Variants in CARMIL1 observed in about 807,000 individuals in gnomAD.
The protein encoded by CARMIL1 is F-actin-uncapping protein LRRC16A.
CARMIL1 carries 90 observed loss-of-function variants against 177.1 expected under a neutral mutation model. The observed-to-expected ratio is 0.51, with a 90% CI of 0.43 to 0.61. CARMIL1 has a LOEUF of 0.61. Among genes scored for constraint, CARMIL1 ranks in the 20% least tolerant of loss-of-function variants. CARMIL1 has a pLI of 0.00. For synonymous variants in CARMIL1, 577 were observed against 606.2 expected (o/e 0.95, Z 0.71); for missense variants, 1,380 against 1,667.0 (o/e 0.83, Z 3.00).
In CARMIL1 at chr6:25,373,403, T is replaced by TC. The variant is rs1278920822; in HGVS notation, c.139-46711_139-46710insC. ...TATCTGGCCTTCGGCTTTTTTTTTT[T>TC]TTTTTTGGTCTGTTCAGGATTTCTA... On this transcript the variant is annotated intron_variant, in intron 2 of 36. Transcript: ENST00000329474. Among the ~76,000 whole-genome samples, 4 of 151,854 alleles carry TC rather than the reference T, an allele frequency of 2.6e-5. No homozygotes were observed. The East Asian group carries it at 7.7e-4, about 29-fold the overall frequency.
At chr6:25,527,395 G>T (rs768549728) in intron 23 of CARMIL1, among the ~76,000 whole-genome samples, 8 of 152,216 alleles carry the variant, frequency 5.3e-5, no homozygotes, top group Non-Finnish European at 7.3e-5. Flanking sequence ...TGGATGCACT[G>T]CCTGTGTGTG....
intron 2 of CARMIL1, among the ~76,000 whole-genome samples, chr6:25,359,347 C>G (rs1198228743): frequency 6.6e-6 from 1 of 152,238 alleles, no homozygotes. Context: ...CAGATGCATA[C>G]TTCTCTGACC....
intron 20 of CARMIL1, among the ~76,000 whole-genome samples, chr6:25,513,936 A>G (rs1562236166): frequency 6.6e-6 from 1 of 152,210 alleles, no homozygotes. Flanking sequence ...GGAAGTCTGA[A>G]TTCTGACATT....
intron 12 of CARMIL1, among the ~76,000 whole-genome samples, chr6:25,482,681 T>C (rs115335299): frequency 0.01 from 1,530 of 152,288 alleles, 15 homozygotes; most frequent in African/African-American, 0.027. Context: ...GTTCAACAAG[T>C]TGGCCTTTCT....
intron 8 of CARMIL1, among the ~76,000 whole-genome samples, chr6:25,459,006 T>C (rs1003629282): frequency 6.6e-6 from 1 of 152,110 alleles, no homozygotes; most frequent in African/African-American, 2.4e-5. Flanking sequence ...AAAAATAAAG[T>C]TAGAAAATCC....
intron 2 of CARMIL1, among the ~76,000 whole-genome samples, chr6:25,301,646 C>G (rs558452459): frequency 1.3e-5 from 2 of 152,282 alleles, no homozygotes; most frequent in Admixed American, 1.3e-4. Context: ...TCATGGCATG[C>G]TGCTTCGTTG....
At chr6:25,510,654 C>T (rs771113836) in intron 19 of CARMIL1, 48 bp downstream of exon 19, 2 of 1,492,990 alleles carry the variant, frequency 1.3e-6, no homozygotes, top group Non-Finnish European at 1.8e-6. Flanking sequence ...AATAACCAGC[C>T]TCCTGAAAGC....
intron 2 of CARMIL1, among the ~76,000 whole-genome samples, chr6:25,368,971 C>A (rs971135528): frequency 2.0e-5 from 3 of 152,126 alleles, no homozygotes; most frequent in African/African-American, 7.2e-5. Context: ...TCGTTTTTGC[C>A]ATTTTAGCAA....
intron 5 of CARMIL1, among the ~76,000 whole-genome samples, chr6:25,440,258 T>C (rs1045657600): frequency 1.3e-5 from 2 of 152,158 alleles, no homozygotes; most frequent in African/African-American, 4.8e-5. Flanking sequence ...AAGTGGGAGA[T>C]GAATGAGCAC....
rs1327225472 is a variant in CARMIL1 at position 25,316,847 on chromosome 6, A to G, written c.138+31938A>G. Among the ~76,000 whole-genome samples the G allele has an allele frequency of 5.3e-5, 8 of 152,302 alleles. No individual in the cohort carries two copies. The South Asian group carries it at 8.3e-4, about 16-fold the overall frequency. ...AGCCTGCAGATTAGCCAGAGGGCCA[A>G]TTGTTAAATCCTCATTATGCTGCCA... On this transcript the variant is annotated intron_variant, in intron 2 of 36. Coordinates refer to ENST00000329474, the MANE Select transcript of CARMIL1 (RefSeq NM_017640.6).
intron 29 of CARMIL1, among the ~76,000 whole-genome samples, chr6:25,575,077 C>A (rs181161704): frequency 1.3e-4 from 20 of 152,294 alleles, no homozygotes; most frequent in Non-Finnish European, 2.5e-4. Flanking sequence ...AAACTGGAAG[C>A]TGACTTTGCA....
rs181574858 is a variant in CARMIL1, at chr6:25,472,627, A to C, written c.874+106A>C. 7.6e-4 allele frequency: 663 copies of C among 872,234 alleles called. 4 individuals are homozygous for C. In the Middle Eastern group the frequency reaches 0.014, roughly 18 times the overall value. 54.0% of individuals were successfully genotyped at this position (872,234 alleles called of 1,614,324 possible). A position where few individuals can be genotyped will look rare whatever the true frequency, so the allele number is the denominator to read the frequency against. Reference sequence around the variant, plus strand: ...TGTATCAAGCTAAGTTGTAATTATAAGTGCTGTTAATGGTCCTGTTGGCTT... The same window carrying C: ...TGTATCAAGCTAAGTTGTAATTATACGTGCTGTTAATGGTCCTGTTGGCTT... On this transcript the variant is annotated intron_variant, in intron 11 of 36. Transcript: ENST00000329474.
chr6:25,531,610 A>T lies in CARMIL1; in HGVS notation c.2067+2717A>T, dbSNP rs139558615. On this transcript the variant is annotated intron_variant, in intron 24 of 36. Transcript: ENST00000329474. ...GAAGTAGCAGGACTTTTGAGAAAGAAAGCCATTATTTTGACCTTACCAGTC... is the reference window on the plus strand; with the variant it reads ...GAAGTAGCAGGACTTTTGAGAAAGATAGCCATTATTTTGACCTTACCAGTC... Among the ~76,000 whole-genome samples the T allele has an allele frequency of 3.3e-3, 510 of 152,330 alleles. 2 individuals are homozygous for T. Among genetic ancestry groups the T allele is most frequent in the African/African-American group, 0.011 (438 of 41,578 alleles).
intron 8 of CARMIL1, among the ~76,000 whole-genome samples, chr6:25,462,767 A>T (rs1800233286): frequency 6.6e-6 from 1 of 152,148 alleles, no homozygotes; most frequent in South Asian, 2.1e-4. Context: ...CATTTTCCCT[A>T]TTCAGCAAGT....
intron 2 of CARMIL1, among the ~76,000 whole-genome samples, chr6:25,309,439 TCA>T (rs908259659): frequency 3.3e-5 from 5 of 150,990 alleles, no homozygotes; most frequent in African/African-American, 1.2e-4. Context: ...ATTAGTATAT[TCA>T]CAGAGTTGTG....
chr6:25,323,471 T>C (rs1479965104), intron 2 of CARMIL1, among the ~76,000 whole-genome samples: 1 of 148,000 alleles, frequency 6.8e-6, no homozygotes, highest in Non-Finnish European at 1.5e-5. Flanking sequence ...TAGCCAGGTG[T>C]GGTGGCACAT....
intron 2 of CARMIL1, among the ~76,000 whole-genome samples, chr6:25,416,585 G>A (rs1163842660): frequency 6.6e-6 from 1 of 152,192 alleles, no homozygotes. Context: ...TTCCTTTGAA[G>A]GAAAGTTCAC....
intron 2 of CARMIL1, among the ~76,000 whole-genome samples, chr6:25,384,068 A>G (rs1342462119): frequency 6.6e-6 from 1 of 152,092 alleles, no homozygotes; most frequent in East Asian, 1.9e-4. Flanking sequence ...CGAACTCCTG[A>G]CCTCAAGCGC....
chr6:25,279,961 T>A lies in CARMIL1; in HGVS notation c.40+126T>A, dbSNP rs1414992600. The A allele has an allele frequency of 3.6e-6, 4 of 1,124,058 alleles. No individual in the cohort carries two copies. The East Asian group carries it at 9.4e-5, about 26-fold the overall frequency. The allele number at this position is 1,124,058 out of a possible 1,614,324, so 69.6% of individuals were successfully genotyped here. A position where few individuals can be genotyped will look rare whatever the true frequency, so the allele number is the denominator to read the frequency against. ...GGCGCCCCTTAGGGCAGAGTGGTGTTGGGCAGGGTCACTGGGGGTGCCGGG... is the reference window on the plus strand; with the variant it reads ...GGCGCCCCTTAGGGCAGAGTGGTGTAGGGCAGGGTCACTGGGGGTGCCGGG... On this transcript the variant is annotated intron_variant, in intron 1 of 36. Coordinates refer to ENST00000329474, the MANE Select transcript of CARMIL1 (RefSeq NM_017640.6).
Sources: allele counts gnomAD v4.1 joint callset (sites outside exome capture counted in the v4.1 genomes callset), GRCh38; gene constraint gnomAD v4.1.1; transcripts MANE v1.5; gene names NCBI Gene and HGNC (gene_info 2026-07-23, HGNC 2026-07-21).